The following ACTR3 variants were observed in gnomAD, a reference collection of about 807,000 sequenced individuals.
The protein encoded by ACTR3 is actin related protein 3.
ACTR3 carries 12 observed loss-of-function variants against 56.8 expected under a neutral mutation model. The observed-to-expected ratio is 0.21, with a 90% CI of 0.14 to 0.34. The LOEUF (loss-of-function observed/expected upper bound fraction) is 0.34, where lower values mean the gene tolerates loss of function less well. Ranked by LOEUF, ACTR3 falls within the 10% of genes least tolerant of loss-of-function variation. ACTR3 has a pLI of 1.00. For synonymous variants in ACTR3, 162 were observed against 167.4 expected (o/e 0.97, Z 0.25); for missense variants, 282 against 512.5 (o/e 0.55, Z 4.34).
At chr2:113,904,985 TTC>T (rs1473158652) in intron 1 of ACTR3, 1 of 152,170 alleles carries the variant, frequency 6.6e-6, no homozygotes, top group Non-Finnish European at 1.5e-5. Context: ...TAGATAATTT[TTC>T]TCTGTTACTC....
intron 1 of ACTR3, among the ~76,000 whole-genome samples, chr2:113,894,642 G>A (rs1489458072): frequency 6.6e-6 from 1 of 152,126 alleles, no homozygotes; most frequent in South Asian, 2.1e-4. Context: ...ACTATATTGC[G>A]GTGAACGAAC....
intron 1 of ACTR3, among the ~76,000 whole-genome samples, chr2:113,910,997 A>G (rs914819911): frequency 3.2e-4 from 49 of 152,280 alleles, no homozygotes; most frequent in African/African-American, 1.0e-3. Flanking sequence ...TTTTGGTTCA[A>G]CAGTTTCAGA....
chr2:113,941,009 T>C (rs925792148), intron 7 of ACTR3, among the ~76,000 whole-genome samples: 3 of 152,002 alleles, frequency 2.0e-5, no homozygotes, highest in Admixed American at 6.6e-5. Flanking sequence ...GATGGAGGTC[T>C]TGCTATGTTG....
intron 8 of ACTR3, among the ~76,000 whole-genome samples, chr2:113,946,137 T>C (rs1184213488): frequency 6.6e-6 from 1 of 152,228 alleles, no homozygotes; most frequent in Non-Finnish European, 1.5e-5. Context: ...GAACAATTTA[T>C]ACTCCTTTGG....
intron 3 of ACTR3, among the ~76,000 whole-genome samples, chr2:113,926,936 C>T (rs972913992): frequency 2.0e-5 from 3 of 152,104 alleles, no homozygotes; most frequent in Non-Finnish European, 2.9e-5. Flanking sequence ...TTTTTATATT[C>T]GGCATACAAC....
At chr2:113,911,360 C>G (rs933466023) in intron 1 of ACTR3, among the ~76,000 whole-genome samples, 12 of 144,590 alleles carry the variant, frequency 8.3e-5, no homozygotes, top group African/African-American at 2.6e-4. Context: ...ACCAATATCA[C>G]TTTTTTCAAC....
intron 3 of ACTR3, among the ~76,000 whole-genome samples, chr2:113,925,318 C>T (rs909239941): frequency 6.6e-6 from 1 of 151,658 alleles, no homozygotes; most frequent in African/African-American, 2.4e-5. Context: ...GTCTCAGCCT[C>T]CCGAGTAGCT....
chr2:113,928,554 T>C (rs1009197209), intron 4 of ACTR3, among the ~76,000 whole-genome samples: 1 of 152,210 alleles, frequency 6.6e-6, no homozygotes. Context: ...GCAAATATTT[T>C]TGGCTTTGCA....
At chr2:113,930,361 A>G (rs1051271780) in intron 4 of ACTR3, among the ~76,000 whole-genome samples, 8 of 152,090 alleles carry the variant, frequency 5.3e-5, no homozygotes, top group Non-Finnish European at 2.9e-5. Context: ...TTTCTTTTGA[A>G]ATAATAATTT....
chr2:113,961,706 T>C lies in ACTR3; in HGVS notation c.*4251T>C, dbSNP rs1680329319. On this transcript the variant is annotated 3_prime_UTR_variant, in exon 12 of 12. Transcript: ENST00000263238. Reference sequence around the variant, plus strand: ...GATGAATAAATATTCTGTCCTTGGCTTAGTCTAATAGTAAAGGCACTCTTA... The same window carrying C: ...GATGAATAAATATTCTGTCCTTGGCCTAGTCTAATAGTAAAGGCACTCTTA... 6.6e-6 allele frequency: 1 copy of C among 151,984 alleles called. No individual in the cohort carries two copies. The highest frequency in any genetic ancestry group is 1.5e-5 in the Non-Finnish European group (1 of 67,874). The allele number at this position is 151,984 out of a possible 1,614,324, so 9.4% of individuals were successfully genotyped here. A position where few individuals can be genotyped will look rare whatever the true frequency, so the allele number is the denominator to read the frequency against.
intron 1 of ACTR3, chr2:113,904,417 A>G (rs943801494): frequency 4.6e-5 from 7 of 152,160 alleles, no homozygotes; most frequent in African/African-American, 1.4e-4. Context: ...TCCCAGGAGA[A>G]TGGGTTATGT....
At chr2:113,924,409 A>G (rs1016709621) in intron 3 of ACTR3, among the ~76,000 whole-genome samples, 19 of 152,024 alleles carry the variant, frequency 1.2e-4, no homozygotes, top group African/African-American at 3.6e-4. Flanking sequence ...GAAATCTTCA[A>G]TGTGGCCCCT....
At chr2:113,897,879 T>C (rs1346533880) in intron 1 of ACTR3, among the ~76,000 whole-genome samples, 1 of 152,176 alleles carries the variant, frequency 6.6e-6, no homozygotes, top group Non-Finnish European at 1.5e-5. Flanking sequence ...CATGTTTTCC[T>C]CCTGCCGAAG....
At chr2:113,955,048 A>G (rs951251712) in intron 10 of ACTR3, 4 of 152,178 alleles carry the variant, frequency 2.6e-5, no homozygotes, top group African/African-American at 9.7e-5. Flanking sequence ...ATTATCTATA[A>G]TATGTTTATG....
At chr2:113,924,851 C>T (rs1258703070) in intron 3 of ACTR3, among the ~76,000 whole-genome samples, 1 of 151,772 alleles carries the variant, frequency 6.6e-6, no homozygotes, top group African/African-American at 2.4e-5. Context: ...GAAACCTTTT[C>T]TCTCACAAAA....
intron 6 of ACTR3, 81 bp from the exon 7 acceptor site, chr2:113,939,878 T>C (rs1005471716): frequency 7.8e-7 from 1 of 1,284,104 alleles, no homozygotes; most frequent in Admixed American, 2.1e-5. Flanking sequence ...AATAAATTGG[T>C]CTTTATTGGT....
At position 113,959,523 on chromosome 2, in the gene ACTR3, T is replaced by C. The variant is rs1199498959; in HGVS notation, c.*2068T>C. On this transcript the variant is annotated 3_prime_UTR_variant, in exon 12 of 12. Coordinates refer to ENST00000263238, the MANE Select transcript of ACTR3 (RefSeq NM_005721.5). ...TTCTTAACTGTTTGCTACAAAAACA[T>C]GAAGATCAAAAACTTTCTTGAAGCT... is the stretch of plus-strand genomic sequence containing the variant. 6.6e-6 allele frequency: 1 copy of C among 152,066 alleles called. No homozygotes were observed. Among genetic ancestry groups the C allele is most frequent in the African/African-American group, 2.4e-5 (1 of 41,438 alleles). 9.4% of individuals were successfully genotyped at this position (152,066 alleles called of 1,614,324 possible). A position where few individuals can be genotyped will look rare whatever the true frequency, so the allele number is the denominator to read the frequency against.
intron 6 of ACTR3, among the ~76,000 whole-genome samples, chr2:113,937,444 G>C (rs1334668373): frequency 3.3e-5 from 5 of 152,070 alleles, no homozygotes; most frequent in Non-Finnish European, 7.4e-5. Context: ...CATATCTAGT[G>C]CTCTCTATTC....
chr2:113,942,381 G>C lies in ACTR3; in HGVS notation c.858+22G>C, dbSNP rs754377020. 3.3e-6 allele frequency: 5 copies of C among 1,510,946 alleles called. No homozygotes were observed. The African/African-American group carries it at 7.1e-5, about 21-fold the overall frequency. The allele number at this position is 1,510,946 out of a possible 1,614,324, so 93.6% of individuals were successfully genotyped here. On this transcript the variant is annotated intron_variant, in intron 8 of 11. Coordinates refer to ENST00000263238, the MANE Select transcript of ACTR3 (RefSeq NM_005721.5). ...AGAGGTAATTTTTTTTAACGGAATT[G>C]TTTAAAAGTATTCAGCAGCAAATAT...
Sources: gnomAD v4.1 joint callset for allele counts (sites outside exome capture counted in the v4.1 genomes callset) on GRCh38, gnomAD v4.1.1 for gene constraint, MANE v1.5 for transcripts, NCBI Gene and HGNC (gene_info 2026-07-23, HGNC 2026-07-21) for gene names.